Variants in GAN observed in about 807,000 individuals in gnomAD.
The protein encoded by GAN is gigaxonin.
Under a neutral mutation model 71.3 loss-of-function variants are expected in GAN, and 48 were observed. That is an observed-to-expected ratio of 0.67 (90% CI 0.53 to 0.86). The LOEUF is 0.86. Ranked by LOEUF, GAN falls within the 40% of genes least tolerant of loss-of-function variation. The pLI is 0.00. For synonymous variants in GAN, 386 were observed against 276.8 expected (o/e 1.39, Z -3.92); for missense variants, 928 against 770.1 (o/e 1.21, Z -2.43).
chr16:81,345,125 A>G (rs190381054), intron 1 of GAN, among the ~76,000 whole-genome samples: 1 of 152,338 alleles, frequency 6.6e-6, no homozygotes, highest in Admixed American at 6.5e-5. Context: ...AGTTGTGGAA[A>G]AATAGGAACA....
intron 1 of GAN, among the ~76,000 whole-genome samples, chr16:81,345,587 G>A (rs984929281): frequency 1.1e-4 from 16 of 152,118 alleles, no homozygotes; most frequent in African/African-American, 3.9e-4. Flanking sequence ...CGCACACTGG[G>A]GCCTGTTAGG....
At chr16:81,359,342 G>T (rs1449393583) in intron 5 of GAN, among the ~76,000 whole-genome samples, 1 of 151,688 alleles carries the variant, frequency 6.6e-6, no homozygotes, top group Non-Finnish European at 1.5e-5. Flanking sequence ...ACTGTGTACA[G>T]TGGAATTGAT....
intron 7 of GAN, 135 bp downstream of exon 7, chr16:81,364,078 G>A (rs1002967516): frequency 3.2e-5 from 25 of 786,328 alleles, no homozygotes; most frequent in Admixed American, 1.9e-4. Context: ...TCTCTTTATC[G>A]GTAGTTTGCC....
chr16:81,359,405 GTTTTTTTTT>G (rs71146005), intron 5 of GAN, among the ~76,000 whole-genome samples: 22 of 125,114 alleles, frequency 1.8e-4, no homozygotes, highest in Admixed American at 4.0e-4. Context: ...AGGCTGCATT[GTTTTTTTTT>G]TTTTTTTTGC....
In GAN at chr16:81,380,644, A is replaced by G. The variant is rs1904300331; in HGVS notation, c.*3048A>G. On this transcript the variant is annotated 3_prime_UTR_variant, in exon 11 of 11. Coordinates refer to ENST00000648994, the MANE Select transcript of GAN (RefSeq NM_022041.4). Reference sequence around the variant, plus strand: ...TTTGAATTGTAGTTCTAAACTACATATATTACTGTCTCCTGGTGCTTCAGA... The same window carrying G: ...TTTGAATTGTAGTTCTAAACTACATGTATTACTGTCTCCTGGTGCTTCAGA... 2 of 152,218 alleles carry G rather than the reference A, an allele frequency of 1.3e-5. No homozygotes were observed. The highest frequency in any genetic ancestry group is 4.8e-5 in the African/African-American group (2 of 41,458). 9.4% of individuals were successfully genotyped at this position (152,218 alleles called of 1,614,324 possible). A position where few individuals can be genotyped will look rare whatever the true frequency, so the allele number is the denominator to read the frequency against.
Position 81,386,142 on chromosome 16 carries a change from A to G in GAN, c.*8546A>G, listed in dbSNP as rs1043805165. 9.8e-5 allele frequency: 15 copies of G among 152,326 alleles called. No individual in the cohort carries two copies. The highest frequency in any genetic ancestry group is 3.6e-4 in the African/African-American group (15 of 41,572). 9.4% of individuals were successfully genotyped at this position (152,326 alleles called of 1,614,324 possible). ...TTCTAGATAGCTGAAACAGCCCAAA[A>G]TATGTGTTTAGAATACTTAGAGTTT... On this transcript the variant is annotated 3_prime_UTR_variant, in exon 11 of 11. Transcript: ENST00000648994.
At chr16:81,343,296 A>C (rs769407477) in intron 1 of GAN, among the ~76,000 whole-genome samples, 7 of 152,192 alleles carry the variant, frequency 4.6e-5, no homozygotes, top group Non-Finnish European at 1.0e-4. Context: ...CTGATACCAA[A>C]GCCTGGGAGA....
chr16:81,367,503 T>A (rs1597408435), intron 9 of GAN, among the ~76,000 whole-genome samples: 1 of 152,176 alleles, frequency 6.6e-6, no homozygotes, highest in African/African-American at 2.4e-5. Flanking sequence ...CACTCCAGCC[T>A]GGGCAACAAA....
chr16:81,327,861 A>C lies in GAN; in HGVS notation c.167+12581A>C, dbSNP rs531705466. 3.3e-5 allele frequency among the ~76,000 whole-genome samples: 5 copies of C among 152,350 alleles called. No homozygotes were observed. The South Asian group carries it at 1.0e-3, about 32-fold the overall frequency. ...GGGGGTCTTAAGGTTATATAGAAAG[A>C]GCCTTTTAATAGCCTCCGAAATAGA... On this transcript the variant is annotated intron_variant, in intron 1 of 10. Transcript: ENST00000648994.
intron 1 of GAN, among the ~76,000 whole-genome samples, chr16:81,330,816 C>G (rs943065156): frequency 5.9e-5 from 9 of 152,240 alleles, no homozygotes; most frequent in Admixed American, 3.3e-4. Flanking sequence ...TGACCAAGGT[C>G]AGCATCATTA....
rs573428867 is a variant in GAN, at chr16:81,381,034, A to G, written c.*3438A>G. 9.8e-5 allele frequency: 15 copies of G among 152,324 alleles called. No homozygotes were observed. The highest frequency in any genetic ancestry group is 3.1e-4 in the African/African-American group (13 of 41,578). The allele number at this position is 152,324 out of a possible 1,614,324, so 9.4% of individuals were successfully genotyped here. On this transcript the variant is annotated 3_prime_UTR_variant, in exon 11 of 11. Transcript: ENST00000648994. ...CCACTTTAATGATGACACTTCCTTC[A>G]TTGATGGCTTGGAAGTGTCATTTTT... is the stretch of plus-strand genomic sequence containing the variant.
In GAN at chr16:81,377,421, A is replaced by G. The variant is rs754810915; in HGVS notation, c.1619A>G (p.Asn540Ser). ...GCTTATTTCTGTGGCTTAGGTACCA[A>G]TTACGACTACGTGCGTGAGTTTAAA... is the stretch of plus-strand genomic sequence containing the variant. ...YVIGDLDTGT[N>S]YDYVREFKRS... Residue 540 changes from asparagine to serine, a missense_variant, in exon 11 of 11, where the codon AAT becomes AGT. Asn to Ser is a conservative substitution (Grantham distance 46, BLOSUM62 1). Coordinates refer to ENST00000648994, the MANE Select transcript of GAN (RefSeq NM_022041.4). The G allele has an allele frequency of 1.2e-6, 2 of 1,613,946 alleles. No homozygotes were observed. Among genetic ancestry groups the G allele is most frequent in the South Asian group, 1.1e-5 (1 of 91,078 alleles).
At chr16:81,320,738 C>G (rs373411859) in intron 1 of GAN, among the ~76,000 whole-genome samples, 286 of 152,226 alleles carry the variant, frequency 1.9e-3, no homozygotes, top group African/African-American at 6.6e-3. Context: ...TTGACATTAC[C>G]TGTTCCTTGT....
chr16:81,329,314 T>A (rs142113842), intron 1 of GAN, among the ~76,000 whole-genome samples: 1 of 152,122 alleles, frequency 6.6e-6, no homozygotes, highest in Admixed American at 6.5e-5. Context: ...AAGCATAGAT[T>A]CATTCAGGGC....
chr16:81,354,717 G>C lies in GAN; in HGVS notation c.595G>C (p.Val199Leu). The C allele has an allele frequency of 6.2e-7, 1 of 1,606,762 alleles. No individual in the cohort carries two copies. Among genetic ancestry groups the C allele is most frequent in the Non-Finnish European group, 8.5e-7 (1 of 1,173,216 alleles). The change falls in exon 3 of 11, where the codon GTA becomes CTA. Residue 199 changes from valine to leucine, a missense_variant. Transcript: ENST00000648994. ...CAATGAAAGATATGTCTTTGAAGCAGTAATTCGATGGATAGCACATGATAC... is the reference window on the plus strand; with the variant it reads ...CAATGAAAGATATGTCTTTGAAGCACTAATTCGATGGATAGCACATGATAC... The part of the protein sequence containing the change: ...VGNERYVFEA[V>L]IRWIAHDTEI...
chr16:81,325,023 C>T (rs1175555143), intron 1 of GAN, among the ~76,000 whole-genome samples: 3 of 151,816 alleles, frequency 2.0e-5, no homozygotes, highest in Non-Finnish European at 4.4e-5. Flanking sequence ...AGGGATGACT[C>T]GCAGCCAGGG....
rs1182760611 is a variant in GAN at position 81,381,855 on chromosome 16, G to T, written c.*4259G>T. 2 of 152,112 alleles carry T rather than the reference G, an allele frequency of 1.3e-5. No individual in the cohort carries two copies. The highest frequency in any genetic ancestry group is 2.9e-5 in the Non-Finnish European group (2 of 68,040). 9.4% of individuals were successfully genotyped at this position (152,112 alleles called of 1,614,324 possible). A position where few individuals can be genotyped will look rare whatever the true frequency, so the allele number is the denominator to read the frequency against. On this transcript the variant is annotated 3_prime_UTR_variant, in exon 11 of 11. Transcript: ENST00000648994. ...CAGTGAGAAACTTTGTACCCATATG[G>T]GCTGGCCTCCTATACGGAGCTGAAA... is the stretch of plus-strand genomic sequence containing the variant.
intron 1 of GAN, among the ~76,000 whole-genome samples, chr16:81,344,962 C>G (rs766999778): frequency 6.6e-6 from 1 of 152,098 alleles, no homozygotes; most frequent in Non-Finnish European, 1.5e-5. Flanking sequence ...AGTCACTTCT[C>G]AAAAGAAGAC....
At chr16:81,320,269 A>G (rs972850972) in intron 1 of GAN, among the ~76,000 whole-genome samples, 3 of 152,236 alleles carry the variant, frequency 2.0e-5, no homozygotes, top group African/African-American at 7.2e-5. Context: ...TATCTGAAAC[A>G]TACACTGTAG....
Sources: gnomAD v4.1 joint callset for allele counts (sites outside exome capture counted in the v4.1 genomes callset) on GRCh38, gnomAD v4.1.1 for gene constraint, MANE v1.5 for transcripts, NCBI Gene and HGNC (gene_info 2026-07-23, HGNC 2026-07-21) for gene names.